Variants in PPP2R5C observed in about 807,000 individuals in gnomAD.
PPP2R5C encodes protein phosphatase 2 regulatory subunit B'gamma, also known as serine/threonine-protein phosphatase 2A 56 kDa regulatory subunit gamma isoform.
In PPP2R5C, 7 loss-of-function variants were observed where a neutral mutation model predicts 68.9. That is an observed-to-expected ratio of 0.10 (90% confidence interval 0.06 to 0.19). PPP2R5C has a LOEUF of 0.19. PPP2R5C is among the 10% of genes least tolerant of loss of function. The probability of loss-of-function intolerance (pLI) is 1.00; values close to 1 mark genes in which losing one functional copy is unlikely to be tolerated. For synonymous variants in PPP2R5C, 210 were observed against 222.2 expected (o/e 0.95, Z 0.49); for missense variants, 348 against 641.3 (o/e 0.54, Z 4.94).
chr14:101,768,586 A>G (rs765112141), intron 2 of PPP2R5C, among the ~76,000 whole-genome samples: 5 of 152,066 alleles, frequency 3.3e-5, no homozygotes, highest in Non-Finnish European at 7.4e-5. Flanking sequence ...GTCCGGCTCC[A>G]TCGAAGGTAG....
At position 101,835,562 on chromosome 14, in the gene PPP2R5C, A is replaced by G. The variant is rs113997660; in HGVS notation, c.95-21124A>G. On this transcript the variant is annotated intron_variant, in intron 1 of 13. Transcript: ENST00000334743. This position sits in a 1 kb window ranked among gnomAD's most constrained non-coding sequence, Gnocchi z 5.0. ...ACCTGGCCCATGTCAAATTTGTATT[A>G]GGAACCATTGATTTCAATTCACGGG... Among the ~76,000 whole-genome samples, 1,134 of 152,350 alleles carry G rather than the reference A, an allele frequency of 7.4e-3. 8 individuals carry two copies. Among genetic ancestry groups the G allele is most frequent in the African/African-American group, 0.026 (1,095 of 41,576 alleles).
chr14:101,922,241 C>T (rs1392340298), intron 13 of PPP2R5C: 10 of 962,284 alleles, frequency 1.0e-5, no homozygotes, highest in Non-Finnish European at 1.2e-5. Context: ...GTAATCCCAG[C>T]ACTTTGGGAG....
intron 1 of PPP2R5C, chr14:101,839,071 G>C (rs1184284934): frequency 1.4e-5 from 2 of 140,028 alleles, no homozygotes; most frequent in Non-Finnish European, 3.1e-5. Flanking sequence ...AAAAAAAAAA[G>C]CCGGGTGCGG....
At chr14:101,901,961 G>T in intron 9 of PPP2R5C, 72 bp downstream of exon 11, 1 of 1,502,792 alleles carries the variant, frequency 6.7e-7, no homozygotes, top group Non-Finnish European at 9.1e-7. Flanking sequence ...TCCATGCGTA[G>T]CTGGCCATGC....
At chr14:101,922,582 G>A (rs2141208799) in intron 13 of PPP2R5C, among the ~76,000 whole-genome samples, 1 of 152,038 alleles carries the variant, frequency 6.6e-6, no homozygotes, top group Non-Finnish European at 1.5e-5. Flanking sequence ...GGGAGGCTGA[G>A]GCAGGAGAAT....
At chr14:101,786,249 A>T (rs2038083333) in intron 3 of PPP2R5C, 66 bp downstream of exon 3, 2 of 1,361,330 alleles carry the variant, frequency 1.5e-6, no homozygotes, top group Admixed American at 5.7e-5. Flanking sequence ...ATGTTTTGAT[A>T]GTGTGCTAAT....
Position 101,893,064 on chromosome 14 carries a change from C to A in PPP2R5C, c.754C>A (p.Leu252Ile), listed in dbSNP as rs1187801296. 4 of 1,612,422 alleles carry A rather than the reference C, an allele frequency of 2.5e-6. No individual in the cohort carries two copies. The highest frequency in any genetic ancestry group is 3.3e-5 in the Admixed American group (2 of 59,994). The change falls in exon 7 of 14, where the codon CTA becomes ATA. Residue 252 changes from leucine (L) to isoleucine (I), a missense_variant. By Grantham distance (5) the Leu-to-Ile change is conservative (BLOSUM62 2). Coordinates refer to ENST00000334743, the Ensembl canonical transcript of PPP2R5C. ...CAAGATTTTCTTATTGAAGGTGTTA[C>A]TACCTTTGCACAAAGTGAAATCTCT...
At chr14:101,795,522 T>TA (rs1472229836) in intron 3 of PPP2R5C, among the ~76,000 whole-genome samples, 1 of 152,136 alleles carries the variant, frequency 6.6e-6, no homozygotes. Context: ...CTTTTTTTTT[T>TA]AAGATACTTA....
Position 101,877,191 on chromosome 14 carries a change from C to G in PPP2R5C, c.295-4970C>G, listed in dbSNP as rs1384121303. ...CTTGAACTCTTGACCTCAAGTGATC[C>G]ACCCGCCTCGGCCTCCCAAAGTGCT... On this transcript the variant is annotated intron_variant, in intron 2 of 13. Transcript: ENST00000334743. The surrounding 1 kb of genome is among the most constrained non-coding windows in gnomAD (Gnocchi z 4.2). Among the ~76,000 whole-genome samples the G allele has an allele frequency of 1.3e-5, 2 of 152,046 alleles. No individual in the cohort carries two copies. Among genetic ancestry groups the G allele is most frequent in the South Asian group, 4.1e-4 (2 of 4,822 alleles).
intron 2 of PPP2R5C, among the ~76,000 whole-genome samples, chr14:101,763,201 TG>T (rs2036647131): frequency 6.6e-6 from 1 of 152,034 alleles, no homozygotes; most frequent in East Asian, 1.9e-4. Context: ...GGTTTGTTTG[TG>T]GGTCTTTTGG....
intron 1 of PPP2R5C, chr14:101,836,135 T>C (rs986360870): frequency 3.1e-5 from 21 of 676,274 alleles, no homozygotes; most frequent in East Asian, 8.1e-5. Flanking sequence ...GAAACTGAGA[T>C]TTCCTAGCAG....
chr14:101,904,744 G>A (rs2045927778), intron 9 of PPP2R5C, among the ~76,000 whole-genome samples: 1 of 152,232 alleles, frequency 6.6e-6, no homozygotes, highest in Non-Finnish European at 1.5e-5. Flanking sequence ...TCTGGCAGGA[G>A]AAGCGTCAGC....
intron 8 of PPP2R5C, among the ~76,000 whole-genome samples, chr14:101,898,109 A>T (rs920891627): frequency 1.3e-5 from 2 of 152,210 alleles, no homozygotes; most frequent in African/African-American, 4.8e-5. Flanking sequence ...GCAGTGAGCT[A>T]TGAACGCACC....
intron 13 of PPP2R5C, chr14:101,921,894 A>T: frequency 1.3e-6 from 1 of 778,980 alleles, no homozygotes. Context: ...ATAACCCTAT[A>T]CAGAACATTC....
chr14:101,850,835 T>C (rs1478297266), intron 1 of PPP2R5C, among the ~76,000 whole-genome samples: 2 of 152,220 alleles, frequency 1.3e-5, no homozygotes, highest in African/African-American at 4.8e-5. Context: ...AGCTTTTGTT[T>C]ACTTGGTGGG....
intron 1 of PPP2R5C, among the ~76,000 whole-genome samples, chr14:101,848,741 G>A (rs530916889): frequency 4.5e-4 from 68 of 152,288 alleles, no homozygotes; most frequent in African/African-American, 1.6e-3. Flanking sequence ...GCGGGAGTTG[G>A]GAGAAGAGAG....
intron 5 of PPP2R5C, 87 bp from the exon 8 acceptor site, chr14:101,890,150 C>A: frequency 8.1e-7 from 1 of 1,241,232 alleles, no homozygotes; most frequent in Non-Finnish European, 1.2e-6. Context: ...CTTCTTGTTG[C>A]CTGGCTCCAT....
chr14:101,784,415 C>T (rs1160117032), intron 2 of PPP2R5C, among the ~76,000 whole-genome samples: 2 of 152,044 alleles, frequency 1.3e-5, no homozygotes, highest in Admixed American at 6.6e-5. Context: ...CACAGTTTCA[C>T]CTAGCTGGGG....
intron 2 of PPP2R5C, among the ~76,000 whole-genome samples, chr14:101,764,258 C>T (rs2139924347): frequency 6.6e-6 from 1 of 152,328 alleles, no homozygotes; most frequent in Non-Finnish European, 1.5e-5. Flanking sequence ...GCCAAGGGTC[C>T]AGGAGCTGCG....
Sources: gnomAD v4.1 joint callset for allele counts (sites outside exome capture counted in the v4.1 genomes callset) on GRCh38, gnomAD v4.1.1 for gene constraint, Gnocchi (gnomAD v3.1) non-coding constraint, MANE v1.5 for transcripts, NCBI Gene and HGNC (gene_info 2026-07-23, HGNC 2026-07-21) for gene names.